Variants in ST6GALNAC3 observed in about 807,000 individuals in gnomAD.
ST6GALNAC3 encodes ST6 N-acetylgalactosaminide alpha-2,6-sialyltransferase 3.
In ST6GALNAC3, 25 loss-of-function variants were observed where a neutral mutation model predicts 32.7. The ratio of observed to expected loss-of-function variants is 0.76; its 90% CI spans 0.56 to 1.07. The LOEUF is 1.07. Ranked by LOEUF, ST6GALNAC3 falls within the 50% of genes least tolerant of loss-of-function variation. The pLI, the probability that ST6GALNAC3 is intolerant of heterozygous loss-of-function variation, is 0.00. For missense variants in ST6GALNAC3, 355 were observed against 382.4 expected, an observed-to-expected ratio of 0.93 and a Z score of 0.60; for synonymous variants, 129 against 133.1, an observed-to-expected ratio of 0.97 and a Z score of 0.21.
chr1:76,300,440 G>T (rs1279574709), intron 1 of ST6GALNAC3, among the ~76,000 whole-genome samples: 1 of 151,916 alleles, frequency 6.6e-6, no homozygotes, highest in African/African-American at 2.4e-5. Context: ...TTAAACTCAG[G>T]AGCCAGCAGT....
At chr1:76,461,738 G>T (rs909594051) in intron 3 of ST6GALNAC3, among the ~76,000 whole-genome samples, 1 of 152,148 alleles carries the variant, frequency 6.6e-6, no homozygotes, top group African/African-American at 2.4e-5. Flanking sequence ...CAGTGACCAC[G>T]TGTTATACTC....
At chr1:76,277,611 T>TATAC (rs762227546) in intron 1 of ST6GALNAC3, among the ~76,000 whole-genome samples, 76 of 51,150 alleles carry the variant, frequency 1.5e-3, no homozygotes, top group Middle Eastern at 0.01. Context: ...TATATATATA[T>TATAC]ACACACACAC....
intron 1 of ST6GALNAC3, among the ~76,000 whole-genome samples, chr1:76,138,795 C>A (rs1031508374): frequency 2.0e-5 from 3 of 152,158 alleles, no homozygotes; most frequent in African/African-American, 7.2e-5. Flanking sequence ...CTAGTAAACT[C>A]TCCAGTGGGA....
intron 3 of ST6GALNAC3, among the ~76,000 whole-genome samples, chr1:76,467,774 T>G (rs1297177590): frequency 6.6e-6 from 1 of 151,934 alleles, no homozygotes; most frequent in Non-Finnish European, 1.5e-5. Flanking sequence ...CAATTATTTT[T>G]TCTTAAACTG....
At position 76,112,361 on chromosome 1, in the gene ST6GALNAC3, G is replaced by A. The variant is rs1368590958; in HGVS notation, c.18+37477G>A. Among the ~76,000 whole-genome samples the A allele has an allele frequency of 2.1e-5, 3 of 145,998 alleles. No individual in the cohort carries two copies. The South Asian group carries it at 6.5e-4, about 32-fold the overall frequency. ...CACCTCCCGGACGGGGCGGCTGGCC[G>A]GGCGGGGGGCTGACCCCCCCACCTC... On this transcript the variant is annotated intron_variant, in intron 1 of 4. Coordinates refer to ENST00000328299, the MANE Select transcript of ST6GALNAC3 (RefSeq NM_152996.4).
At chr1:76,293,724 T>C (rs1368448794) in intron 1 of ST6GALNAC3, among the ~76,000 whole-genome samples, 3 of 152,198 alleles carry the variant, frequency 2.0e-5, no homozygotes, top group Non-Finnish European at 4.4e-5. Context: ...AATTAGAAGA[T>C]AAAGCAAAGT....
chr1:76,368,218 A>G (rs1650532824), intron 2 of ST6GALNAC3, among the ~76,000 whole-genome samples: 1 of 152,178 alleles, frequency 6.6e-6, no homozygotes, highest in Non-Finnish European at 1.5e-5. Context: ...AACCATCTAT[A>G]GGCAATAGAC....
At chr1:76,510,341 A>G (rs1472331605) in intron 3 of ST6GALNAC3, among the ~76,000 whole-genome samples, 1 of 152,076 alleles carries the variant, frequency 6.6e-6, no homozygotes, top group East Asian at 1.9e-4. Flanking sequence ...CTTCACCAAA[A>G]ATATCTTGAG....
chr1:76,434,784 GTTTTTTTTTTT>G (rs1211703628), intron 3 of ST6GALNAC3, among the ~76,000 whole-genome samples: 11 of 72,214 alleles, frequency 1.5e-4, no homozygotes, highest in Non-Finnish European at 2.3e-4. Context: ...TTTTTTCTCT[GTTTTTTTTTTT>G]TTTTTTTTTT....
intron 2 of ST6GALNAC3, among the ~76,000 whole-genome samples, chr1:76,381,490 C>T (rs1049430041): frequency 1.3e-5 from 2 of 152,034 alleles, no homozygotes; most frequent in African/African-American, 4.8e-5. Flanking sequence ...TTTTATACAT[C>T]ATTTAATCTT....
chr1:76,111,790 G>T (rs1351680106), intron 1 of ST6GALNAC3, among the ~76,000 whole-genome samples: 1 of 150,996 alleles, frequency 6.6e-6, no homozygotes, highest in Non-Finnish European at 1.5e-5. Flanking sequence ...CAAGGCAGAA[G>T]AATTTTTCTT....
intron 3 of ST6GALNAC3, among the ~76,000 whole-genome samples, chr1:76,535,676 C>G (rs988769620): frequency 3.3e-5 from 5 of 152,090 alleles, no homozygotes; most frequent in African/African-American, 1.2e-4. Context: ...CTATTTTTCC[C>G]TTTGGTAAGG....
At chr1:76,504,363 A>G (rs1299634830) in intron 3 of ST6GALNAC3, among the ~76,000 whole-genome samples, 2 of 152,156 alleles carry the variant, frequency 1.3e-5, no homozygotes, top group Non-Finnish European at 2.9e-5. Context: ...ATATCATCTA[A>G]TAATGATCCT....
At chr1:76,181,848 T>C (rs1179411824) in intron 1 of ST6GALNAC3, among the ~76,000 whole-genome samples, 1 of 152,230 alleles carries the variant, frequency 6.6e-6, no homozygotes, top group East Asian at 1.9e-4. Flanking sequence ...AGTACAAGTA[T>C]GTATAAATCA....
intron 3 of ST6GALNAC3, among the ~76,000 whole-genome samples, chr1:76,564,227 C>CCCTTTATCTCCCTTG (rs1553140961): frequency 6.6e-6 from 1 of 152,160 alleles, no homozygotes; most frequent in Non-Finnish European, 1.5e-5. Context: ...TTGCATGGAC[C>CCCTTTATCTCCCTTG]CAGTGGGAGA....
intron 1 of ST6GALNAC3, among the ~76,000 whole-genome samples, chr1:76,236,120 G>A (rs1004666318): frequency 4.0e-5 from 6 of 151,856 alleles, no homozygotes; most frequent in East Asian, 3.9e-4. Flanking sequence ...AATTTTTTGC[G>A]TATTTTTAAT....
intron 3 of ST6GALNAC3, among the ~76,000 whole-genome samples, chr1:76,523,010 C>G (rs1662645984): frequency 6.6e-6 from 1 of 152,150 alleles, no homozygotes; most frequent in Non-Finnish European, 1.5e-5. Context: ...TAGTGAGAAA[C>G]TGGAAGGAGC....
intron 3 of ST6GALNAC3, among the ~76,000 whole-genome samples, chr1:76,519,005 G>T (rs570683556): frequency 2.0e-4 from 31 of 152,246 alleles, no homozygotes; most frequent in Non-Finnish European, 3.8e-4. Context: ...GGCAGAGGTT[G>T]CAGTGAGCCA....
chr1:76,626,187 A>C (rs2100720639), intron 3 of ST6GALNAC3, among the ~76,000 whole-genome samples: 1 of 152,012 alleles, frequency 6.6e-6, no homozygotes, highest in African/African-American at 2.4e-5. Context: ...ATTGAGCATC[A>C]GTAGGGAGCA....
Sources: gnomAD v4.1 joint callset for allele counts (sites outside exome capture counted in the v4.1 genomes callset) on GRCh38, gnomAD v4.1.1 for gene constraint, MANE v1.5 for transcripts, NCBI Gene and HGNC (gene_info 2026-07-23, HGNC 2026-07-21) for gene names.